MMP26: variants seen among roughly 807,000 people sequenced by gnomAD.
MMP26 encodes matrix metallopeptidase 26, also known as matrix metalloproteinase-26.
MMP26 carries 33 observed loss-of-function variants against 31.0 expected under a neutral mutation model. The observed-to-expected ratio is 1.06, with a 90% CI of 0.81 to 1.42. The LOEUF (loss-of-function observed/expected upper bound fraction) is 1.42. Ranked by LOEUF, MMP26 falls within the 40% of genes most tolerant of loss-of-function variation. The probability of loss-of-function intolerance (pLI) is 0.00; values close to 1 mark genes in which losing one functional copy is unlikely to be tolerated. For missense variants in MMP26, 347 were observed against 316.1 expected, an observed-to-expected ratio of 1.10 and a Z score of -0.74; for synonymous variants, 122 against 114.9, an observed-to-expected ratio of 1.06 and a Z score of -0.40.
In MMP26 at chr11:4,835,134, A is replaced by G. The variant is rs116163158; in HGVS notation, c.-145+67793A>G. Among the ~76,000 whole-genome samples, 502 of 151,240 alleles carry G rather than the reference A, an allele frequency of 3.3e-3. 3 individuals are homozygous for G. The highest frequency in any genetic ancestry group is 9.7e-3 in the African/African-American group (398 of 41,144). On this transcript the variant is annotated intron_variant, in intron 2 of 7. Transcript: ENST00000380390. ...TTTCCTTGGCTTCTCTAAACATTTG[A>G]ACTTATGATCCCTGTTATGAATTCT...
intron 2 of MMP26, chr11:4,915,880 A>G (rs1851081077): frequency 2.0e-6 from 1 of 500,450 alleles, no homozygotes; most frequent in African/African-American, 1.9e-5. Flanking sequence ...AATAAGAAGC[A>G]AAGACATGGA....
intron 2 of MMP26, among the ~76,000 whole-genome samples, chr11:4,956,975 C>G (rs1846452752): frequency 6.6e-6 from 1 of 152,126 alleles, no homozygotes; most frequent in African/African-American, 2.4e-5. Context: ...CAAGTTATAT[C>G]ATTATCTTCA....
chr11:4,896,964 C>A (rs1017310415), intron 2 of MMP26, among the ~76,000 whole-genome samples: 1 of 152,024 alleles, frequency 6.6e-6, no homozygotes, highest in Admixed American at 6.6e-5. Context: ...TCTTTTTCCC[C>A]GGTAGTATGT....
chr11:4,852,764 C>T (rs953824829), intron 2 of MMP26, among the ~76,000 whole-genome samples: 2 of 152,160 alleles, frequency 1.3e-5, no homozygotes, highest in Admixed American at 6.5e-5. Context: ...GATATCTTCA[C>T]TCCCGTGTCC....
rs976060499 is a variant in MMP26 at position 4,725,056 on chromosome 11, C to G, written c.-217+20011C>G. ...TTTGCATAGTGATTTCTCGTGAGAT[C>G]TGGTCGTTTAGGAGTGTATGGCACC... On this transcript the variant is annotated intron_variant, in intron 1 of 7. Transcript: ENST00000380390. Among the ~76,000 whole-genome samples the G allele has an allele frequency of 6.6e-5, 10 of 152,254 alleles. 1 individual carries two copies. In the South Asian group the frequency reaches 1.7e-3, roughly 25 times the overall value.
chr11:4,730,751 T>C (rs1343103974), intron 1 of MMP26, among the ~76,000 whole-genome samples: 2 of 152,106 alleles, frequency 1.3e-5, no homozygotes, highest in Non-Finnish European at 2.9e-5. Flanking sequence ...ATACTAACCA[T>C]ATGAGATGAC....
intron 2 of MMP26, chr11:4,914,647 A>G: frequency 1.0e-6 from 1 of 960,894 alleles, no homozygotes; most frequent in South Asian, 1.6e-5. Flanking sequence ...TATTTTATGC[A>G]TGTTAGAAAT....
chr11:4,816,833 A>C (rs2133467162), intron 2 of MMP26, among the ~76,000 whole-genome samples: 1 of 149,168 alleles, frequency 6.7e-6, no homozygotes, highest in South Asian at 2.1e-4. Context: ...CCTCCCGAGT[A>C]GCTGGGACTA....
intron 2 of MMP26, among the ~76,000 whole-genome samples, chr11:4,775,128 T>C (rs184983432): frequency 6.6e-6 from 1 of 152,294 alleles, no homozygotes; most frequent in South Asian, 2.1e-4. Flanking sequence ...TCTGGTTCCA[T>C]ATTAATTTTA....
intron 2 of MMP26, among the ~76,000 whole-genome samples, chr11:4,896,849 T>C (rs1374528915): frequency 1.3e-5 from 2 of 152,196 alleles, no homozygotes; most frequent in African/African-American, 4.8e-5. Context: ...ATTTTAGTTC[T>C]GTTACTTGCT....
chr11:4,908,593 C>A, intron 2 of MMP26: 1 of 450,284 alleles, frequency 2.2e-6, no homozygotes, highest in Admixed American at 3.6e-5. Context: ...AGAATGAATA[C>A]AATTTGGGCA....
chr11:4,707,261 G>C (rs1205557503), intron 1 of MMP26, among the ~76,000 whole-genome samples: 2 of 152,086 alleles, frequency 1.3e-5, no homozygotes, highest in Non-Finnish European at 2.9e-5. Context: ...TGATGATTTT[G>C]ATTCACATTT....
chr11:4,734,626 A>ATT (rs59426040), intron 1 of MMP26, among the ~76,000 whole-genome samples: 84 of 151,776 alleles, frequency 5.5e-4, no homozygotes, highest in Middle Eastern at 3.4e-3. Context: ...TCCCTTTGGG[A>ATT]TTTTTTTTAT....
intron 1 of MMP26, among the ~76,000 whole-genome samples, chr11:4,728,152 T>C (rs1848127979): frequency 6.6e-6 from 1 of 152,206 alleles, no homozygotes; most frequent in Admixed American, 6.5e-5. Context: ...AAGATGCTAG[T>C]CACAATTGGA....
intron 2 of MMP26, chr11:4,924,014 A>C (rs1037400470): frequency 1.8e-5 from 29 of 1,614,038 alleles, no homozygotes; most frequent in Non-Finnish European, 2.5e-5. Context: ...CATTGAAGAC[A>C]AGGTGTGGAT....
intron 2 of MMP26, among the ~76,000 whole-genome samples, chr11:4,905,636 A>G (rs1334550167): frequency 6.6e-6 from 1 of 151,834 alleles, no homozygotes; most frequent in Non-Finnish European, 1.5e-5. Flanking sequence ...CATCTTTTGT[A>G]TTTTTGTTAT....
chr11:4,854,491 G>T (rs908544767), intron 2 of MMP26, among the ~76,000 whole-genome samples: 1 of 152,192 alleles, frequency 6.6e-6, no homozygotes, highest in African/African-American at 2.4e-5. Context: ...AGACCAGACT[G>T]CAAGGCAGCA....
At chr11:4,970,405 C>T (rs1589821485) in intron 2 of MMP26, among the ~76,000 whole-genome samples, 2 of 152,342 alleles carry the variant, frequency 1.3e-5, no homozygotes, top group East Asian at 1.9e-4. Context: ...CAAAGCTCCT[C>T]TGAGTGGATA....
At chr11:4,902,031 G>C (rs1850810609) in intron 2 of MMP26, among the ~76,000 whole-genome samples, 1 of 152,138 alleles carries the variant, frequency 6.6e-6, no homozygotes, top group South Asian at 2.1e-4. Flanking sequence ...ACTTTAAACT[G>C]ATGTTTCTAC....
Sources: gnomAD v4.1 joint callset for allele counts (sites outside exome capture counted in the v4.1 genomes callset) on GRCh38, gnomAD v4.1.1 for gene constraint, MANE v1.5 for transcripts, NCBI Gene and HGNC (gene_info 2026-07-23, HGNC 2026-07-21) for gene names.